RNF185: variants seen among roughly 807,000 people sequenced by gnomAD.
RNF185 encodes the protein ring finger protein 185.
A neutral mutation model predicts 24.9 loss-of-function variants in RNF185; 13 were observed. The observed-to-expected ratio is 0.52, with a 90% CI of 0.34 to 0.83. RNF185 has a LOEUF of 0.83. Among genes scored for constraint, RNF185 ranks in the 40% least tolerant of loss-of-function variants. RNF185 has a pLI of 0.01. For synonymous variants in RNF185, 79 were observed against 90.3 expected (o/e 0.88, Z 0.71); for missense variants, 184 against 244.7 (o/e 0.75, Z 1.65).
At chr22:31,192,310 G>A (rs2048163315) in intron 2 of RNF185, among the ~76,000 whole-genome samples, 1 of 152,132 alleles carries the variant, frequency 6.6e-6, no homozygotes, top group African/African-American at 2.4e-5. Context: ...TTTTTGCACA[G>A]GGTGTCCTTA....
At chr22:31,181,414 A>AT (rs572262713) in intron 1 of RNF185, among the ~76,000 whole-genome samples, 10 of 152,276 alleles carry the variant, frequency 6.6e-5, no homozygotes, top group African/African-American at 2.4e-4. Flanking sequence ...GTGAACCTCC[A>AT]TTCATCACCC....
intron 1 of RNF185, among the ~76,000 whole-genome samples, chr22:31,174,981 G>T (rs976127735): frequency 6.6e-6 from 1 of 152,000 alleles, no homozygotes; most frequent in Non-Finnish European, 1.5e-5. Context: ...GCTGAGATGG[G>T]AGGATCGCTT....
At chr22:31,183,943 T>C (rs2048066812) in intron 1 of RNF185, among the ~76,000 whole-genome samples, 1 of 129,062 alleles carries the variant, frequency 7.7e-6, no homozygotes, top group Non-Finnish European at 1.7e-5. Flanking sequence ...GGCTCCCACC[T>C]CCCGGACGGG....
chr22:31,200,220 G>A (rs536376813), intron 5 of RNF185, among the ~76,000 whole-genome samples: 2 of 152,190 alleles, frequency 1.3e-5, no homozygotes, highest in African/African-American at 4.8e-5. Context: ...AGCAAAGCAT[G>A]GAGGGGTACA....
chr22:31,204,319 G>A (rs1299189149), intron 6 of RNF185, among the ~76,000 whole-genome samples, 170 bp from the exon 7 acceptor site: 4 of 151,678 alleles, frequency 2.6e-5, no homozygotes, highest in African/African-American at 7.3e-5. Context: ...CTCTAGCCTG[G>A]GCAACAGAGC....
At chr22:31,173,144 G>C (rs1265047573) in intron 1 of RNF185, among the ~76,000 whole-genome samples, 1 of 151,982 alleles carries the variant, frequency 6.6e-6, no homozygotes, top group Non-Finnish European at 1.5e-5. Context: ...ACCTCTGTGT[G>C]AGTATGTTAT....
intron 6 of RNF185, among the ~76,000 whole-genome samples, 193 bp downstream of exon 6, chr22:31,201,808 G>A (rs1418397609): frequency 6.6e-6 from 1 of 152,060 alleles, no homozygotes; most frequent in Non-Finnish European, 1.5e-5. Context: ...CAACTATTAG[G>A]CATGCATATA....
chr22:31,194,160 A>C (rs1297168429), intron 3 of RNF185, among the ~76,000 whole-genome samples: 2 of 151,908 alleles, frequency 1.3e-5, no homozygotes, highest in Non-Finnish European at 2.9e-5. Flanking sequence ...AGCTTCCCAA[A>C]GTGCTGGGAT....
chr22:31,198,468 G>A (rs573923868), intron 5 of RNF185, among the ~76,000 whole-genome samples: 63 of 144,538 alleles, frequency 4.4e-4, no homozygotes, highest in African/African-American at 1.5e-3. Context: ...GTGCGATCTC[G>A]GCTCACCACA....
intron 4 of RNF185, among the ~76,000 whole-genome samples, chr22:31,196,427 A>G (rs746933522): frequency 8.5e-5 from 13 of 152,228 alleles, no homozygotes; most frequent in South Asian, 2.1e-4. Flanking sequence ...TAAGCCCTCA[A>G]TTGAGTATTC....
chr22:31,169,386 C>T (rs146478391), intron 1 of RNF185, among the ~76,000 whole-genome samples: 16 of 152,126 alleles, frequency 1.1e-4, no homozygotes, highest in African/African-American at 2.9e-4. Context: ...TTATGAAATC[C>T]AATTTGTCTA....
intron 1 of RNF185, among the ~76,000 whole-genome samples, chr22:31,162,190 C>T (rs1216189500): frequency 6.6e-6 from 1 of 152,096 alleles, no homozygotes; most frequent in African/African-American, 2.4e-5. Context: ...CTGACTTGCT[C>T]CCCCGCCGCC....
intron 1 of RNF185, among the ~76,000 whole-genome samples, chr22:31,161,435 T>C (rs918507670): frequency 1.3e-5 from 2 of 152,218 alleles, no homozygotes; most frequent in African/African-American, 4.8e-5. Flanking sequence ...ATAAGGCCAA[T>C]GCATCTGACC....
At chr22:31,191,907 T>G (rs1331376859) in intron 2 of RNF185, among the ~76,000 whole-genome samples, 3 of 151,808 alleles carry the variant, frequency 2.0e-5, no homozygotes, top group Admixed American at 2.0e-4. Flanking sequence ...GTATGTGGTG[T>G]TAGATTATAG....
Position 31,186,999 on chromosome 22 carries a change from G to C in RNF185, c.-48-48G>C, listed in dbSNP as rs2048105440. On this transcript the variant is annotated intron_variant, in intron 1 of 6. Transcript: ENST00000326132. ...ACAGGAATGTTGGCATGGAAGCTGG[G>C]GGGAGAGGGCTGCAGAAATGGACAG... The C allele has an allele frequency of 1.9e-5, 24 of 1,289,246 alleles. 1 individual carries two copies. The highest frequency in any genetic ancestry group is 1.1e-4 in the Admixed American group (5 of 43,940). 79.9% of individuals were successfully genotyped at this position (1,289,246 alleles called of 1,614,324 possible).
intron 2 of RNF185, among the ~76,000 whole-genome samples, chr22:31,189,275 T>G (rs2048131855): frequency 7.5e-6 from 1 of 133,170 alleles, no homozygotes; most frequent in African/African-American, 2.9e-5. Context: ...ACAGCTGTTG[T>G]ATATCTTTTT....
intron 3 of RNF185, among the ~76,000 whole-genome samples, chr22:31,195,040 C>T (rs1254140892): frequency 6.6e-6 from 1 of 152,048 alleles, no homozygotes; most frequent in Non-Finnish European, 1.5e-5. Context: ...GCAACCTCCG[C>T]CTCCCGGGTT....
rs2048263292 is a variant in RNF185 at position 31,201,554 on chromosome 22, G to C, written c.420G>C (p.Gly140=). The change falls in exon 6 of 7, where the codon GGG becomes GGC. Residue 140 remains glycine, a synonymous_variant. Transcript: ENST00000326132. ...DGGFQMSFGI[G]AFPFGIFATA... is the part of the protein sequence containing the mutation. ...GCTTCCAGATGTCTTTTGGAATTGG[G>C]GCATTTCCCTTTGGGATATTTGCCA... 6.2e-7 allele frequency: 1 copy of C among 1,612,362 alleles called. No individual in the cohort carries two copies. The highest frequency in any genetic ancestry group is 1.1e-5 in the South Asian group (1 of 90,998).
intron 1 of RNF185, among the ~76,000 whole-genome samples, chr22:31,172,525 C>T (rs924124442): frequency 1.3e-5 from 2 of 151,092 alleles, no homozygotes; most frequent in Non-Finnish European, 3.0e-5. Context: ...GAGGCAGGCG[C>T]ATCACCTGAG....
Sources: gnomAD v4.1 joint callset for allele counts (sites outside exome capture counted in the v4.1 genomes callset) on GRCh38, gnomAD v4.1.1 for gene constraint, MANE v1.5 for transcripts, NCBI Gene and HGNC (gene_info 2026-07-23, HGNC 2026-07-21) for gene names.